The following NPFFR2 variants were observed in gnomAD, a reference collection of about 807,000 sequenced individuals.
The protein encoded by NPFFR2 is neuropeptide FF receptor 2.
NPFFR2 carries 15 observed loss-of-function variants against 13.1 expected under a neutral mutation model. The observed-to-expected ratio is 1.15, with a 90% CI of 0.77 to 1.76. NPFFR2 has a LOEUF of 1.76. NPFFR2 is among the 40% of genes most tolerant of loss of function. The pLI, the probability that NPFFR2 is intolerant of heterozygous loss-of-function variation, is 0.00. For synonymous variants in NPFFR2, 190 were observed against 175.7 expected, an observed-to-expected ratio of 1.08 and a Z score of -0.65; for missense variants, 572 against 503.5, an observed-to-expected ratio of 1.14 and a Z score of -1.30.
At chr4:72,063,991 G>C (rs1205621226) in intron 1 of NPFFR2, among the ~76,000 whole-genome samples, 1 of 152,096 alleles carries the variant, frequency 6.6e-6, no homozygotes, top group Non-Finnish European at 1.5e-5. Context: ...TAGGAAAAAA[G>C]GATGACAGTA....
At chr4:72,098,608 A>C (rs2109807826) in intron 1 of NPFFR2, among the ~76,000 whole-genome samples, 1 of 152,338 alleles carries the variant, frequency 6.6e-6, no homozygotes, top group South Asian at 2.1e-4. Flanking sequence ...GTGAGTAATG[A>C]GTAAACCCTC....
intron 3 of NPFFR2, among the ~76,000 whole-genome samples, chr4:72,139,112 T>C (rs190995926): frequency 1.3e-5 from 2 of 151,564 alleles, no homozygotes; most frequent in East Asian, 3.9e-4. Flanking sequence ...TGGGGTTGTT[T>C]TTTTCTTGTA....
intron 1 of NPFFR2, among the ~76,000 whole-genome samples, chr4:72,116,745 A>G (rs1487717885): frequency 6.6e-6 from 1 of 152,158 alleles, no homozygotes; most frequent in Non-Finnish European, 1.5e-5. Context: ...TCGTTTGATT[A>G]AATCTTTTGT....
intron 1 of NPFFR2, among the ~76,000 whole-genome samples, chr4:72,120,141 C>T (rs1219344584): frequency 2.0e-5 from 3 of 152,192 alleles, no homozygotes; most frequent in African/African-American, 7.2e-5. Flanking sequence ...GTTTTCCTCT[C>T]CCAGTGTAAA....
rs1459895468 is a variant in NPFFR2 at position 72,138,108 on chromosome 4, G to T, written c.397G>T (p.Val133Phe). ...CCAGGGAATATCTGTCGCAGCTTCAGTCTTTACGTTAGTTGCAATTGCTGT... is the reference window on the plus strand; with the variant it reads ...CCAGGGAATATCTGTCGCAGCTTCATTCTTTACGTTAGTTGCAATTGCTGT... ...LVQGISVAAS[V>F]FTLVAIAVDR... Residue 133 changes from valine (V) to phenylalanine (F), a missense_variant, in exon 3 of 4, where the codon GTC becomes TTC. Physicochemically the swap from Val to Phe is conservative, Grantham distance 50. Transcript: ENST00000308744. 13 of 1,613,588 alleles carry T rather than the reference G, an allele frequency of 8.1e-6. No homozygotes were observed. Among genetic ancestry groups the T allele is most frequent in the Non-Finnish European group, 1.0e-5 (12 of 1,179,770 alleles).
rs749031170 is a variant in NPFFR2 at position 72,128,854 on chromosome 4, C to A, written c.263C>A (p.Ala88Asp). The A allele has an allele frequency of 6.2e-7, 1 of 1,613,938 alleles. No homozygotes were observed. The highest frequency in any genetic ancestry group is 8.5e-7 in the Non-Finnish European group (1 of 1,179,878). ...TVTNLFILNLAISDLLVGIFC... is the reference protein window; with the variant it reads ...TVTNLFILNLDISDLLVGIFC... ...ACTAATCTCTTCATCTTAAACCTGG[C>A]CATAAGTGATTTACTAGTTGGCATA... The change falls in exon 2 of 4, where the codon GCC (alanine) becomes GAC (aspartate). Residue 88 changes from alanine (A) to aspartate (D), a missense_variant. Physicochemically the swap from Ala to Asp is moderately radical, Grantham distance 126 (BLOSUM62 -2). Coordinates refer to ENST00000308744, the MANE Select transcript of NPFFR2 (RefSeq NM_004885.3).
chr4:72,105,864 A>G (rs932017120), intron 1 of NPFFR2, among the ~76,000 whole-genome samples: 4 of 152,068 alleles, frequency 2.6e-5, no homozygotes, highest in African/African-American at 9.7e-5. Flanking sequence ...TTTGGGGTTT[A>G]TCCTCCTAAT....
rs1317951656 is a variant in NPFFR2 at position 72,078,071 on chromosome 4, T to C, written c.-8+45871T>C. On this transcript the variant is annotated intron_variant, in intron 1 of 3. Coordinates refer to ENST00000308744, the MANE Select transcript of NPFFR2 (RefSeq NM_004885.3). ...GAAATAAAAGGTATCTGCTCTCTCA[T>C]AATCTATAATTGGTGTGCTATTTCT... 4.6e-5 allele frequency among the ~76,000 whole-genome samples: 7 copies of C among 152,236 alleles called. No homozygotes were observed. In the South Asian group the frequency reaches 1.0e-3, roughly 23 times the overall value.
intron 1 of NPFFR2, among the ~76,000 whole-genome samples, chr4:72,052,493 T>C (rs1251864230): frequency 6.6e-6 from 1 of 151,816 alleles, no homozygotes; most frequent in Non-Finnish European, 1.5e-5. Context: ...ATGGGAAGTA[T>C]CTCAAAATAA....
intron 1 of NPFFR2, among the ~76,000 whole-genome samples, chr4:72,062,761 G>A (rs1010214109): frequency 1.3e-5 from 2 of 152,166 alleles, no homozygotes; most frequent in Non-Finnish European, 2.9e-5. Flanking sequence ...CCTGTTAGAG[G>A]ATGAGACTTG....
chr4:72,039,735 G>A (rs960696491), intron 1 of NPFFR2, among the ~76,000 whole-genome samples: 1 of 152,114 alleles, frequency 6.6e-6, no homozygotes, highest in African/African-American at 2.4e-5. Flanking sequence ...TACAATAAAA[G>A]TAGTTATTTA....
intron 1 of NPFFR2, among the ~76,000 whole-genome samples, chr4:72,071,119 G>T (rs1720241486): frequency 6.6e-6 from 1 of 152,146 alleles, no homozygotes. Context: ...CAGAAAGTAT[G>T]ATTCAATAGC....
At chr4:72,139,109 G>A (rs1722514349) in intron 3 of NPFFR2, among the ~76,000 whole-genome samples, 2 of 151,960 alleles carry the variant, frequency 1.3e-5, no homozygotes, top group Admixed American at 6.6e-5. Flanking sequence ...TGATGGGGTT[G>A]TTTTTTTCTT....
chr4:72,039,226 T>A (rs1343301560), intron 1 of NPFFR2: 1 of 159,940 alleles, frequency 6.3e-6, no homozygotes, highest in Admixed American at 6.6e-5. Flanking sequence ...GCCTGGCTAA[T>A]TTTTTTGTAT....
In NPFFR2 at chr4:72,138,125, A is replaced by G. The variant is rs772355312; in HGVS notation, c.414A>G (p.Ala138=). 6.2e-7 allele frequency: 1 copy of G among 1,612,868 alleles called. No homozygotes were observed. Among genetic ancestry groups the G allele is most frequent in the Non-Finnish European group, 8.5e-7 (1 of 1,179,020 alleles). Residue 138 remains alanine (A), a synonymous_variant, in exon 3 of 4, where the codon GCA becomes GCG. Coordinates refer to ENST00000308744, the MANE Select transcript of NPFFR2 (RefSeq NM_004885.3). ...CAGCTTCAGTCTTTACGTTAGTTGC[A>G]ATTGCTGTAGATAGGTAAGTCTGCA... ...SVAASVFTLV[A]IAVDRFQCVV...
chr4:72,135,854 A>G (rs909782480), intron 2 of NPFFR2, among the ~76,000 whole-genome samples: 12 of 151,530 alleles, frequency 7.9e-5, no homozygotes, highest in Admixed American at 5.9e-4. Flanking sequence ...ATATGTGTAT[A>G]TTTATGGGGT....
At chr4:72,075,251 C>T (rs4482734) in intron 1 of NPFFR2, among the ~76,000 whole-genome samples, 136,827 of 152,078 alleles carry the variant, frequency 0.9, 62,504 homozygotes, top group Non-Finnish European at 0.98. Context: ...GAACAACGGA[C>T]TCCAAGTTCT....
intron 2 of NPFFR2, among the ~76,000 whole-genome samples, chr4:72,135,180 A>G (rs187670124): frequency 7.2e-5 from 11 of 152,216 alleles, no homozygotes; most frequent in Non-Finnish European, 1.5e-5. Flanking sequence ...TGTTTTTCTT[A>G]TGGAAATCTT....
intron 1 of NPFFR2, among the ~76,000 whole-genome samples, chr4:72,087,132 A>G (rs1027404550): frequency 6.6e-6 from 1 of 152,032 alleles, no homozygotes; most frequent in African/African-American, 2.4e-5. Flanking sequence ...TGATGTACGT[A>G]TTTTGGTGTG....
Sources: gnomAD v4.1 joint callset for allele counts (sites outside exome capture counted in the v4.1 genomes callset) on GRCh38, gnomAD v4.1.1 for gene constraint, MANE v1.5 for transcripts, NCBI Gene and HGNC (gene_info 2026-07-23, HGNC 2026-07-21) for gene names.